The following SMURF1 variants were observed in gnomAD, a reference collection of about 807,000 sequenced individuals.
SMURF1 encodes the protein SMAD specific E3 ubiquitin protein ligase 1, also known as E3 ubiquitin-protein ligase SMURF1.
A neutral mutation model predicts 98.0 loss-of-function variants in SMURF1; 44 were observed. The observed-to-expected ratio is 0.45, with a 90% CI of 0.35 to 0.58. The LOEUF (loss-of-function observed/expected upper bound fraction) is 0.58. Ranked by LOEUF, SMURF1 falls within the 20% of genes least tolerant of loss-of-function variation. The pLI is 0.00. For synonymous variants in SMURF1, 396 were observed against 374.9 expected (o/e 1.06, Z -0.65); for missense variants, 687 against 938.4 (o/e 0.73, Z 3.50).
At chr7:99,063,249 A>ATATATATATATATATAAGATT (rs1796089844) in intron 1 of SMURF1, among the ~76,000 whole-genome samples, 1 of 3,056 alleles carries the variant, frequency 3.3e-4, no homozygotes, top group African/African-American at 6.3e-4. Flanking sequence ...ATTTATATAT[A>ATATATATATATATATAAGATT]TATATATATA....
intron 1 of SMURF1, among the ~76,000 whole-genome samples, chr7:99,126,889 G>C (rs557668464): frequency 2.0e-5 from 3 of 152,350 alleles, no homozygotes; most frequent in Non-Finnish European, 4.4e-5. Context: ...AAGAGGAGCT[G>C]TGTGATGTAG....
intron 9 of SMURF1, 135 bp from the exon 10 acceptor site, chr7:99,048,017 T>A: frequency 1.3e-6 from 1 of 787,580 alleles, no homozygotes; most frequent in African/African-American, 1.7e-5. Flanking sequence ...CCTGATGACG[T>A]AACCAGGTAC....
intron 1 of SMURF1, among the ~76,000 whole-genome samples, chr7:99,122,335 A>C (rs974415351): frequency 6.7e-6 from 1 of 150,278 alleles, no homozygotes; most frequent in Non-Finnish European, 1.5e-5. Flanking sequence ...CTCAAAAAAA[A>C]AAAAGAAGAA....
At chr7:99,034,601 G>T (rs1205316662) in intron 16 of SMURF1, among the ~76,000 whole-genome samples, 1 of 152,136 alleles carries the variant, frequency 6.6e-6, no homozygotes, top group Non-Finnish European at 1.5e-5. Context: ...GGCTCTCGGG[G>T]TTGTTGGGAG....
chr7:99,036,986 G>T, intron 15 of SMURF1, 81 bp downstream of exon 15: 1 of 1,599,780 alleles, frequency 6.3e-7, no homozygotes, highest in Non-Finnish European at 8.5e-7. Context: ...GGCACACACT[G>T]CCCCCTGCAG....
At chr7:99,062,061 AAATCTT>A (rs1244677877) in intron 1 of SMURF1, among the ~76,000 whole-genome samples, 1 of 152,174 alleles carries the variant, frequency 6.6e-6, no homozygotes, top group Non-Finnish European at 1.5e-5. Flanking sequence ...TTTAAACTAA[AAATCTT>A]AAACACATTC....
At chr7:99,050,719 C>A in intron 8 of SMURF1, 1 of 519,860 alleles carries the variant, frequency 1.9e-6, no homozygotes, top group Non-Finnish European at 3.5e-6. Flanking sequence ...ATTATAGGTA[C>A]TGAGTCATAC....
At chr7:99,134,097 CT>C (rs5886094) in intron 1 of SMURF1, among the ~76,000 whole-genome samples, 87,813 of 102,166 alleles carry the variant, frequency 0.86, 37,408 homozygotes, top group Admixed American at 0.9. Flanking sequence ...TCTCCACCCA[CT>C]TTTTTTTTTT....
chr7:99,089,847 C>A (rs1260332136), intron 1 of SMURF1, among the ~76,000 whole-genome samples: 1 of 152,164 alleles, frequency 6.6e-6, no homozygotes, highest in African/African-American at 2.4e-5. Flanking sequence ...TTTCTGCAAA[C>A]CCACCTACAT....
At chr7:99,036,952 C>T in intron 15 of SMURF1, 115 bp downstream of exon 15, 1 of 1,502,076 alleles carries the variant, frequency 6.7e-7, no homozygotes, top group Non-Finnish European at 9.1e-7. Context: ...GGAACCCCAG[C>T]AGCTCCTAGG....
At chr7:99,100,939 G>C (rs2150589805) in intron 1 of SMURF1, among the ~76,000 whole-genome samples, 1 of 152,310 alleles carries the variant, frequency 6.6e-6, no homozygotes, top group African/African-American at 2.4e-5. Flanking sequence ...AAGCAAGGTG[G>C]AGAAAAGAAC....
rs1325604574 is a variant in SMURF1, at chr7:99,030,868, T to C, written c.2097-185A>G. On this transcript the variant is annotated intron_variant, in intron 17 of 17. Transcript: ENST00000361368. ...TTCTAATACAAAGATTTGTAATTTG[T>C]TTTTGCTTTTTGGTAGAGACAGGGT... 9.7e-6 allele frequency: 5 copies of C among 516,402 alleles called. No homozygotes were observed. In the Admixed American group the frequency reaches 1.7e-4, roughly 18 times the overall value. The allele number at this position is 516,402 out of a possible 1,614,324, so 32.0% of individuals were successfully genotyped here.
At chr7:99,070,169 G>C (rs1796285079) in intron 1 of SMURF1, among the ~76,000 whole-genome samples, 1 of 152,198 alleles carries the variant, frequency 6.6e-6, no homozygotes, top group Non-Finnish European at 1.5e-5. Flanking sequence ...ACGTGGCAGG[G>C]TTAGGCAGAG....
chr7:99,100,286 G>A (rs1797048842), intron 1 of SMURF1, among the ~76,000 whole-genome samples: 1 of 152,244 alleles, frequency 6.6e-6, no homozygotes, highest in Admixed American at 6.5e-5. Context: ...CCTGCCCAAT[G>A]GCTCACGCCT....
chr7:99,062,773 G>A (rs547727355), intron 1 of SMURF1, among the ~76,000 whole-genome samples: 51 of 152,056 alleles, frequency 3.4e-4, no homozygotes, highest in African/African-American at 1.0e-3. Context: ...ACTTAAACCC[G>A]GGAGGCAGAG....
intron 1 of SMURF1, among the ~76,000 whole-genome samples, chr7:99,117,861 C>T (rs1797496688): frequency 6.6e-6 from 1 of 151,758 alleles, no homozygotes; most frequent in African/African-American, 2.4e-5. Context: ...AGGCGGACCA[C>T]CTGAGGTCAG....
rs988404797 is a variant in SMURF1, at chr7:99,040,819, C to T, written c.1372-263G>A. 7.2e-5 allele frequency among the ~76,000 whole-genome samples: 11 copies of T among 152,328 alleles called. No homozygotes were observed. The South Asian group carries it at 1.4e-3, about 20-fold the overall frequency. On this transcript the variant is annotated intron_variant, in intron 12 of 17. Coordinates refer to ENST00000361368, the MANE Select transcript of SMURF1 (RefSeq NM_181349.3). Reference sequence around the variant, plus strand: ...GGCCATATAACTGGCAGAGGAGCCCCGTGTTCAGCAATGACTGAGAATTTC... The same window carrying T: ...GGCCATATAACTGGCAGAGGAGCCCTGTGTTCAGCAATGACTGAGAATTTC...
intron 14 of SMURF1, 144 bp from the exon 15 acceptor site, chr7:99,037,331 G>A: frequency 1.0e-6 from 1 of 993,124 alleles, no homozygotes. Flanking sequence ...TCAGCCTCCT[G>A]GGTTCAAGCA....
chr7:99,030,846 T>C, intron 17 of SMURF1, 163 bp from the exon 18 acceptor site: 1 of 549,562 alleles, frequency 1.8e-6, no homozygotes, highest in East Asian at 3.0e-5. Flanking sequence ...TTTCTGCTTC[T>C]AATACAAAGA....
Sources: gnomAD v4.1 joint callset for allele counts (sites outside exome capture counted in the v4.1 genomes callset) on GRCh38, gnomAD v4.1.1 for gene constraint, MANE v1.5 for transcripts, NCBI Gene and HGNC (gene_info 2026-07-23, HGNC 2026-07-21) for gene names.